C2orf49: variants seen among roughly 807,000 people sequenced by gnomAD.
C2orf49 encodes tRNA-splicing ligase complex subunit ASW.
Under a neutral mutation model 20.6 loss-of-function variants are expected in C2orf49, and 11 were observed. The observed-to-expected ratio is 0.53, with a 90% CI of 0.34 to 0.88. The LOEUF is 0.88. C2orf49 is among the 40% of genes least tolerant of loss of function. The probability of loss-of-function intolerance (pLI) is 0.02; values close to 1 mark genes in which losing one functional copy is unlikely to be tolerated. For missense variants in C2orf49, 289 were observed against 274.2 expected (o/e 1.05, Z -0.38); for synonymous variants, 134 against 108.5 (o/e 1.24, Z -1.46).
the C2orf49 span, among the ~76,000 whole-genome samples, chr2:105,371,184 G>A: frequency 6.6e-6 from 1 of 152,110 alleles, no homozygotes; most frequent in African/African-American, 2.4e-5. Context: ...CTGGGCTCTG[G>A]TACCCAGTTG....
At chr2:105,383,151 G>A in the C2orf49 span, among the ~76,000 whole-genome samples, 1 of 152,236 alleles carries the variant, frequency 6.6e-6, no homozygotes, top group African/African-American at 2.4e-5. Flanking sequence ...CTCCCAAAGT[G>A]CTGGAATTAC....
chr2:105,373,555 T>C, the C2orf49 span: 1 of 1,614,224 alleles, frequency 6.2e-7, no homozygotes, highest in Non-Finnish European at 8.5e-7. Flanking sequence ...GAGTGCCTCC[T>C]GACCTGGCAT....
At chr2:105,345,211 T>C (rs1679779398) in intron 3 of C2orf49, 104 bp from the exon 4 acceptor site, 1 of 980,802 alleles carries the variant, frequency 1.0e-6, no homozygotes, top group Non-Finnish European at 1.6e-6. Flanking sequence ...GCAGTGATCT[T>C]CCATTAATAC....
At chr2:105,377,731 T>C in the C2orf49 span, 2 of 260,572 alleles carry the variant, frequency 7.7e-6, no homozygotes, top group South Asian at 8.8e-5. Context: ...AGCCACCTCA[T>C]AGAGGACTGC....
downstream of C2orf49, among the ~76,000 whole-genome samples, chr2:105,352,602 A>G (rs577163421): frequency 6.7e-6 from 1 of 149,560 alleles, no homozygotes; most frequent in African/African-American, 2.5e-5. Flanking sequence ...GCACCACCAC[A>G]CCCGGCTAAT....
At position 105,345,563 on chromosome 2, in the gene C2orf49, C is replaced by G; in HGVS notation, c.*192C>G. On this transcript the variant is annotated 3_prime_UTR_variant, in exon 4 of 4. Transcript: ENST00000258457. ...TCCCTTCCTTTTTTAAAATTCTTGC[C>G]TGTCTTGCCCTGATTAGGAAAGAAT... 3 of 602,622 alleles carry G rather than the reference C, an allele frequency of 5.0e-6. No individual in the cohort carries two copies. The highest frequency in any genetic ancestry group is 8.9e-6 in the Non-Finnish European group (3 of 338,466). 37.3% of individuals were successfully genotyped at this position (602,622 alleles called of 1,614,324 possible).
At chr2:105,337,893 T>A (rs1223302708) in intron 1 of C2orf49, among the ~76,000 whole-genome samples, 1 of 152,120 alleles carries the variant, frequency 6.6e-6, no homozygotes, top group Non-Finnish European at 1.5e-5. Flanking sequence ...ATATCAGGAA[T>A]GCTTGGGAAA....
At chr2:105,354,459 G>T in the C2orf49 span, among the ~76,000 whole-genome samples, 3 of 152,092 alleles carry the variant, frequency 2.0e-5, no homozygotes, top group African/African-American at 7.2e-5. Context: ...GAGGTCAGGA[G>T]TTCGAGACCA....
chr2:105,377,035 G>T, the C2orf49 span, among the ~76,000 whole-genome samples: 4 of 152,360 alleles, frequency 2.6e-5, no homozygotes, highest in South Asian at 2.1e-4. Flanking sequence ...ATGGGAGTGA[G>T]AATGTGTTCT....
At chr2:105,343,922 G>A (rs1160390693) in intron 3 of C2orf49, among the ~76,000 whole-genome samples, 4 of 151,772 alleles carry the variant, frequency 2.6e-5, no homozygotes, top group Admixed American at 2.0e-4. Flanking sequence ...TAGTTTAATA[G>A]CCATTATTCT....
At chr2:105,372,614 C>A in the C2orf49 span, among the ~76,000 whole-genome samples, 1 of 152,088 alleles carries the variant, frequency 6.6e-6, no homozygotes, top group South Asian at 2.1e-4. Flanking sequence ...CATGATGAAA[C>A]CCCATCTCTA....
chr2:105,340,013 T>C (rs1441554295), intron 2 of C2orf49, among the ~76,000 whole-genome samples: 1 of 152,188 alleles, frequency 6.6e-6, no homozygotes, highest in East Asian at 1.9e-4. Flanking sequence ...CAATTTTTGG[T>C]AAATTATCCA....
intron 3 of C2orf49, among the ~76,000 whole-genome samples, chr2:105,343,731 C>T (rs1679735911): frequency 6.6e-6 from 1 of 152,092 alleles, no homozygotes; most frequent in Non-Finnish European, 1.5e-5. Context: ...GTGGGGATAG[C>T]AGAAGTTGGG....
At chr2:105,369,315 T>A in the C2orf49 span, among the ~76,000 whole-genome samples, 1 of 152,200 alleles carries the variant, frequency 6.6e-6, no homozygotes, top group Admixed American at 6.5e-5. Context: ...CAAAATCTTA[T>A]GGTCCCAAGG....
At chr2:105,381,333 C>T in the C2orf49 span, among the ~76,000 whole-genome samples, 1 of 152,150 alleles carries the variant, frequency 6.6e-6, no homozygotes, top group Admixed American at 6.5e-5. Flanking sequence ...TGGCATGTCA[C>T]AGGTGCTCCC....
At chr2:105,380,382 C>A in the C2orf49 span, among the ~76,000 whole-genome samples, 2 of 152,166 alleles carry the variant, frequency 1.3e-5, no homozygotes, top group African/African-American at 4.8e-5. Context: ...TCTATCTGTT[C>A]TGTCTGTCTA....
chr2:105,361,056 T>C, the C2orf49 span: 82 of 407,680 alleles, frequency 2.0e-4, no homozygotes, highest in African/African-American at 1.5e-3. Flanking sequence ...ATTACAAAAA[T>C]TTCAAACCAT....
chr2:105,342,812 A>G (rs751900555), intron 2 of C2orf49, 36 bp from the exon 3 acceptor site: 6 of 1,570,326 alleles, frequency 3.8e-6, no homozygotes, highest in Non-Finnish European at 5.2e-6. Context: ...GCCGTTCCAG[A>G]TGGTATTTTT....
At chr2:105,363,612 T>C in the C2orf49 span, 1 of 768,200 alleles carries the variant, frequency 1.3e-6, no homozygotes, top group Non-Finnish European at 2.1e-6. Context: ...CTTTACAAAC[T>C]TCACAGTCAC....
Sources: gnomAD v4.1 joint callset for allele counts (sites outside exome capture counted in the v4.1 genomes callset) on GRCh38, gnomAD v4.1.1 for gene constraint, MANE v1.5 for transcripts, NCBI Gene and HGNC (gene_info 2026-07-23, HGNC 2026-07-21) for gene names.